The following PRRX1 variants were observed in gnomAD, a reference collection of about 807,000 sequenced individuals.
The protein encoded by PRRX1 is paired mesoderm homeobox protein 1.
Under a neutral mutation model 24.0 loss-of-function variants are expected in PRRX1, and 8 were observed. The ratio of observed to expected loss-of-function variants is 0.33; its 90% confidence interval spans 0.20 to 0.60. PRRX1 has a LOEUF of 0.60. Ranked by LOEUF, PRRX1 falls within the 20% of genes least tolerant of loss-of-function variation. PRRX1 has a pLI of 0.82. For missense variants in PRRX1, 281 were observed against 322.4 expected (o/e 0.87, Z 0.98); for synonymous variants, 160 against 131.7 (o/e 1.22, Z -1.47).
chr1:170,664,303 C>A lies in PRRX1; in HGVS notation c.85C>A (p.Gln29Lys). 6.2e-7 allele frequency: 1 copy of A among 1,613,632 alleles called. No individual in the cohort carries two copies. Among genetic ancestry groups the A allele is most frequent in the Non-Finnish European group, 8.5e-7 (1 of 1,179,866 alleles). Residue 29 changes from glutamine to lysine, a missense_variant, in exon 1 of 4, where the codon CAG (glutamine) becomes AAG (lysine). Coordinates refer to ENST00000239461, the MANE Select transcript of PRRX1 (RefSeq NM_022716.4). ...LDSPGNLDTL[Q>K]AKKNFSVSHL... ...CAGCCCGGGCAACCTCGACACCCTGCAGGCGAAAAAGAACTTCTCCGTCAG... is the reference window on the plus strand; with the variant it reads ...CAGCCCGGGCAACCTCGACACCCTGAAGGCGAAAAAGAACTTCTCCGTCAG...
chr1:170,673,791 C>A (rs1230648892), intron 1 of PRRX1, among the ~76,000 whole-genome samples: 1 of 152,172 alleles, frequency 6.6e-6, no homozygotes, highest in Non-Finnish European at 1.5e-5. Context: ...ACTCTCCTTC[C>A]TTTATGTTTC....
upstream of PRRX1, chr1:170,663,299 G>C (rs1652788966): frequency 6.6e-6 from 1 of 152,040 alleles, no homozygotes; most frequent in African/African-American, 2.4e-5. Context: ...TGCCCTCCCA[G>C]GGGTCTCCAA....
chr1:170,674,531 A>T (rs1361414782), intron 1 of PRRX1, among the ~76,000 whole-genome samples: 1 of 151,184 alleles, frequency 6.6e-6, no homozygotes, highest in Non-Finnish European at 1.5e-5. Flanking sequence ...GGAAATAACA[A>T]TCAGTGGCTC....
In PRRX1 at chr1:170,738,190, T is replaced by C. The variant is rs1655684849; in HGVS notation, c.*2004T>C. 1 of 222,764 alleles carries C rather than the reference T, an allele frequency of 4.5e-6. No individual in the cohort carries two copies. The highest frequency in any genetic ancestry group is 5.7e-5 in the Admixed American group (1 of 17,420). The allele number at this position is 222,764 out of a possible 1,614,324, so 13.8% of individuals were successfully genotyped here. ...ACTTTGGATCAATTTTGGTCAAACA[T>C]GCCAACTTTGTAGTCTGAGTGACAG... is the stretch of plus-strand genomic sequence containing the variant. On this transcript the variant is annotated 3_prime_UTR_variant, in exon 4 of 4. Transcript: ENST00000239461.
chr1:170,701,841 A>G (rs1571332740), intron 1 of PRRX1, among the ~76,000 whole-genome samples: 1 of 152,344 alleles, frequency 6.6e-6, no homozygotes, highest in East Asian at 1.9e-4. Flanking sequence ...ATCATCTGAA[A>G]CATTTATCTT....
chr1:170,681,796 T>G (rs1003096375), intron 1 of PRRX1, among the ~76,000 whole-genome samples: 2 of 152,214 alleles, frequency 1.3e-5, no homozygotes, highest in African/African-American at 2.4e-5. Context: ...GTAACAACCT[T>G]AACTCACAGG....
At chr1:170,735,306 T>A (rs939213280) in intron 3 of PRRX1, among the ~76,000 whole-genome samples, 1 of 152,316 alleles carries the variant, frequency 6.6e-6, no homozygotes, top group South Asian at 2.1e-4. Context: ...AACAGTTACC[T>A]CTGAAATCAA....
At chr1:170,693,729 C>A (rs1357452773) in intron 1 of PRRX1, among the ~76,000 whole-genome samples, 2 of 151,864 alleles carry the variant, frequency 1.3e-5, no homozygotes, top group African/African-American at 4.8e-5. Context: ...GAAGTTGGAT[C>A]GAAAAGATGA....
chr1:170,725,649 C>T (rs1477826449), intron 2 of PRRX1, among the ~76,000 whole-genome samples: 3 of 152,226 alleles, frequency 2.0e-5, no homozygotes, highest in Admixed American at 2.0e-4. Flanking sequence ...TTTAGTAGTA[C>T]ACCCTTTAGT....
chr1:170,699,297 A>G (rs1451876108), intron 1 of PRRX1, among the ~76,000 whole-genome samples: 1 of 152,212 alleles, frequency 6.6e-6, no homozygotes, highest in Non-Finnish European at 1.5e-5. Context: ...GTGAACATTA[A>G]TAAGGATTTT....
Position 170,688,417 on chromosome 1 carries a change from T to G in PRRX1, c.241+23958T>G, listed in dbSNP as rs979323203. On this transcript the variant is annotated intron_variant, in intron 1 of 3. Transcript: ENST00000239461. ...AAAAAGTAATAGAATTTTTAAAAATTTACTCTTAAAGATAGCTTTGTCCGG... is the reference window on the plus strand; with the variant it reads ...AAAAAGTAATAGAATTTTTAAAAATGTACTCTTAAAGATAGCTTTGTCCGG... 2.6e-5 allele frequency among the ~76,000 whole-genome samples: 4 copies of G among 152,198 alleles called. No individual in the cohort carries two copies. The East Asian group carries it at 7.7e-4, about 29-fold the overall frequency.
At position 170,739,085 on chromosome 1, in the gene PRRX1, G is replaced by T. The variant is rs1043043438; in HGVS notation, c.*2899G>T. ...CTGGATCTTAAGCCAGTTGTCAGTG[G>T]AGGTCCTCAGGGCTGCAAATGTCAA... On this transcript the variant is annotated 3_prime_UTR_variant, in exon 4 of 4. Coordinates refer to ENST00000239461, the MANE Select transcript of PRRX1 (RefSeq NM_022716.4). 5.1e-5 allele frequency: 11 copies of T among 215,488 alleles called. No individual in the cohort carries two copies. Among genetic ancestry groups the T allele is most frequent in the Middle Eastern group, 1.4e-3 (1 of 712 alleles). 13.3% of individuals were successfully genotyped at this position (215,488 alleles called of 1,614,324 possible).
At chr1:170,695,975 C>A (rs779614166) in intron 1 of PRRX1, among the ~76,000 whole-genome samples, 1 of 152,154 alleles carries the variant, frequency 6.6e-6, no homozygotes, top group Non-Finnish European at 1.5e-5. Flanking sequence ...ATAAAACATG[C>A]TTTTCTCTAC....
At chr1:170,726,570 C>G in intron 3 of PRRX1, 169 bp downstream of exon 3, 4 of 803,362 alleles carry the variant, frequency 5.0e-6, no homozygotes, top group Non-Finnish European at 7.7e-6. Context: ...ATAAGCTGCC[C>G]CAGCAGCAGG....
chr1:170,666,990 G>GAGTCCTC (rs1204103724), intron 1 of PRRX1, among the ~76,000 whole-genome samples: 3 of 152,100 alleles, frequency 2.0e-5, no homozygotes, highest in Non-Finnish European at 4.4e-5. Context: ...GGAGCACGTG[G>GAGTCCTC]AGTCCTCAGG....
intron 1 of PRRX1, among the ~76,000 whole-genome samples, chr1:170,688,535 A>G (rs1653822213): frequency 6.6e-6 from 1 of 152,120 alleles, no homozygotes; most frequent in Admixed American, 6.6e-5. Flanking sequence ...TTATTTACCA[A>G]TAAAATTTTA....
Position 170,738,737 on chromosome 1 carries a change from T to G in PRRX1, c.*2551T>G, listed in dbSNP as rs1482189500. ...GGGGAAAACCTTAGATAGAGGGACA[T>G]GTGAAACAAAATCATTTGAAATTTT... is the stretch of plus-strand genomic sequence containing the variant. On this transcript the variant is annotated 3_prime_UTR_variant, in exon 4 of 4. Transcript: ENST00000239461. 1.3e-5 allele frequency: 3 copies of G among 227,984 alleles called. No homozygotes were observed. Among genetic ancestry groups the G allele is most frequent in the African/African-American group, 6.7e-5 (3 of 45,104 alleles). 14.1% of individuals were successfully genotyped at this position (227,984 alleles called of 1,614,324 possible).
At chr1:170,669,688 A>C (rs1305417991) in intron 1 of PRRX1, among the ~76,000 whole-genome samples, 1 of 151,984 alleles carries the variant, frequency 6.6e-6, no homozygotes, top group African/African-American at 2.4e-5. Context: ...ACTCCTGGAA[A>C]ACCCTCCTTG....
intron 3 of PRRX1, among the ~76,000 whole-genome samples, chr1:170,732,575 T>C (rs1325438973): frequency 6.6e-6 from 1 of 152,190 alleles, no homozygotes; most frequent in African/African-American, 2.4e-5. Context: ...GCTAGATCCA[T>C]GTCAAACTAC....
Sources: gnomAD v4.1 joint callset for allele counts (sites outside exome capture counted in the v4.1 genomes callset) on GRCh38, gnomAD v4.1.1 for gene constraint, MANE v1.5 for transcripts, NCBI Gene and HGNC (gene_info 2026-07-23, HGNC 2026-07-21) for gene names.